Variants in DNER observed in about 807,000 individuals in gnomAD.
DNER encodes delta/notch like EGF repeat containing, also known as delta and Notch-like epidermal growth factor-related receptor.
In DNER, 33 loss-of-function variants were observed where a neutral mutation model predicts 78.2. That is an observed-to-expected ratio of 0.42 (90% CI 0.32 to 0.56). DNER has a LOEUF of 0.56. Ranked by LOEUF, DNER falls within the 20% of genes least tolerant of loss-of-function variation. DNER has a pLI of 0.11. For synonymous variants in DNER, 417 were observed against 384.8 expected, an observed-to-expected ratio of 1.08 and a Z score of -0.98; for missense variants, 918 against 975.3, an observed-to-expected ratio of 0.94 and a Z score of 0.78.
intron 1 of DNER, among the ~76,000 whole-genome samples, chr2:229,627,774 C>A (rs999396622): frequency 4.6e-5 from 7 of 152,130 alleles, no homozygotes; most frequent in African/African-American, 1.7e-4. Flanking sequence ...GAGTCCCTCA[C>A]AAGCAGGAAA....
At chr2:229,566,093 G>T (rs970317118) in intron 4 of DNER, among the ~76,000 whole-genome samples, 5 of 152,166 alleles carry the variant, frequency 3.3e-5, no homozygotes, top group African/African-American at 1.2e-4. Flanking sequence ...GGGGCAATGG[G>T]AGATTCTAAA....
At position 229,668,530 on chromosome 2, in the gene DNER, GTGTGTGTATATATATATA is replaced by G. The variant is rs1338370789; in HGVS notation, c.276+45600_276+45617del. Among the ~76,000 whole-genome samples, 119 of 5,482 alleles carry G rather than the reference GTGTGTGTATATATATATA, an allele frequency of 0.022. No individual in the cohort carries two copies. The East Asian group carries it at 0.25, about 12-fold the overall frequency. 3.6% of individuals were successfully genotyped at this position (5,482 alleles called of 152,430 possible). ...TATAGGTAAGTATGTGTGTGTGTGT[GTGTGTGTATATATATATA>G]TATATATATATATATATATATATAT... On this transcript the variant is annotated intron_variant, in intron 1 of 12. Coordinates refer to ENST00000341772, the MANE Select transcript of DNER (RefSeq NM_139072.4).
chr2:229,699,635 G>A (rs1029162862), intron 1 of DNER, among the ~76,000 whole-genome samples: 1 of 152,028 alleles, frequency 6.6e-6, no homozygotes, highest in African/African-American at 2.4e-5. Context: ...AAAGTGCTTG[G>A]GATTACAAGC....
chr2:229,653,585 AT>A (rs11365732), intron 1 of DNER, among the ~76,000 whole-genome samples: 32,441 of 151,692 alleles, frequency 0.21, 3,644 homozygotes, highest in South Asian at 0.29. Flanking sequence ...CCCAACACCA[AT>A]TTTTTTTTCT....
chr2:229,373,590 A>T (rs1692534993), intron 11 of DNER, among the ~76,000 whole-genome samples: 1 of 152,224 alleles, frequency 6.6e-6, no homozygotes, highest in African/African-American at 2.4e-5. Flanking sequence ...CTGGGTATGT[A>T]TCCAAAAGAA....
chr2:229,363,504 C>T (rs1160072235), intron 12 of DNER, among the ~76,000 whole-genome samples: 1 of 152,180 alleles, frequency 6.6e-6, no homozygotes, highest in Non-Finnish European at 1.5e-5. Context: ...CTGTAGAAAC[C>T]CCAGGTTGGA....
intron 6 of DNER, among the ~76,000 whole-genome samples, chr2:229,507,395 C>T (rs1457603992): frequency 6.6e-6 from 1 of 152,126 alleles, no homozygotes; most frequent in Non-Finnish European, 1.5e-5. Flanking sequence ...TTCCTATATG[C>T]CTACATGTGC....
intron 5 of DNER, among the ~76,000 whole-genome samples, chr2:229,542,679 C>A (rs1044829679): frequency 4.0e-5 from 6 of 148,412 alleles, no homozygotes; most frequent in African/African-American, 1.5e-4. Flanking sequence ...AAGAAAAAAA[C>A]GTGATGACAA....
At chr2:229,563,540 AC>A in intron 4 of DNER, among the ~76,000 whole-genome samples, 1 of 139,718 alleles carries the variant, frequency 7.2e-6, no homozygotes, top group Admixed American at 7.1e-5. Flanking sequence ...CATCGTCATC[AC>A]CCCATCACCA....
Position 229,482,766 on chromosome 2 carries a change from A to T in DNER, c.1148-5513T>A, listed in dbSNP as rs577432440. Among the ~76,000 whole-genome samples, 5 of 152,366 alleles carry T rather than the reference A, an allele frequency of 3.3e-5. No individual in the cohort carries two copies. The South Asian group carries it at 1.0e-3, about 32-fold the overall frequency. ...TTTTGGGAGTGGAAAGGAGAGGACCAGTGGAGTTATAGTGGAATTTCATTT... is the reference window on the plus strand; with the variant it reads ...TTTTGGGAGTGGAAAGGAGAGGACCTGTGGAGTTATAGTGGAATTTCATTT... On this transcript the variant is annotated intron_variant, in intron 6 of 12. Coordinates refer to ENST00000341772, the MANE Select transcript of DNER (RefSeq NM_139072.4).
rs745330329 is a variant in DNER at position 229,512,924 on chromosome 2, A to G, written c.1006T>C (p.Cys336Arg). 7.4e-6 allele frequency: 12 copies of G among 1,613,944 alleles called. No homozygotes were observed. Among genetic ancestry groups the G allele is most frequent in the Non-Finnish European group, 8.5e-7 (1 of 1,179,924 alleles). ...CCCACGTACTGCTCCTCACAGGTAC[A>G]GGAAAAAGTTGCCTAAAACACAAAA... ...TTKPSEATFS[C>R]TCEEQYVGTF... The change falls in exon 6 of 13, where the codon TGT becomes CGT. Residue 336 changes from cysteine (C) to arginine (R), a missense_variant. By Grantham distance (180) the Cys-to-Arg change is radical (BLOSUM62 -3). Transcript: ENST00000341772.
At chr2:229,481,792 C>T (rs924136544) in intron 6 of DNER, among the ~76,000 whole-genome samples, 5 of 152,126 alleles carry the variant, frequency 3.3e-5, no homozygotes, top group Non-Finnish European at 5.9e-5. Flanking sequence ...CAGAGGACCT[C>T]GTAGAAGATA....
intron 1 of DNER, among the ~76,000 whole-genome samples, chr2:229,663,948 C>G (rs998888587): frequency 1.3e-5 from 2 of 152,090 alleles, no homozygotes; most frequent in Non-Finnish European, 2.9e-5. Flanking sequence ...CCACCTCAAC[C>G]TTCTGTATGT....
At chr2:229,371,043 T>C (rs898199012) in intron 11 of DNER, among the ~76,000 whole-genome samples, 1 of 152,230 alleles carries the variant, frequency 6.6e-6, no homozygotes, top group African/African-American at 2.4e-5. Context: ...TGTTCGGACT[T>C]TTGGAAAAAC....
At chr2:229,667,938 G>A (rs181594473) in intron 1 of DNER, among the ~76,000 whole-genome samples, 2 of 152,274 alleles carry the variant, frequency 1.3e-5, no homozygotes, top group East Asian at 1.9e-4. Context: ...GGCCATGGAG[G>A]GACTCATTGG....
At chr2:229,686,863 A>G (rs1480531675) in intron 1 of DNER, among the ~76,000 whole-genome samples, 3 of 152,228 alleles carry the variant, frequency 2.0e-5, no homozygotes, top group African/African-American at 4.8e-5. Flanking sequence ...TGGACTTACA[A>G]TCAATTCCCT....
intron 4 of DNER, among the ~76,000 whole-genome samples, chr2:229,562,007 A>G (rs1326610841): frequency 6.6e-6 from 1 of 152,160 alleles, no homozygotes; most frequent in Non-Finnish European, 1.5e-5. Flanking sequence ...TTGCATCCAG[A>G]GATGGAACCT....
intron 1 of DNER, among the ~76,000 whole-genome samples, chr2:229,675,772 A>G (rs1699291700): frequency 6.6e-6 from 1 of 152,138 alleles, no homozygotes; most frequent in Non-Finnish European, 1.5e-5. Flanking sequence ...GGGGGGTGGA[A>G]ACCAGACCCA....
chr2:229,405,072 A>G (rs772415783), intron 10 of DNER, among the ~76,000 whole-genome samples: 2 of 152,216 alleles, frequency 1.3e-5, no homozygotes, highest in Non-Finnish European at 2.9e-5. Context: ...AAAGAAGAGT[A>G]AAGATTAGCA....
Sources: allele counts gnomAD v4.1 joint callset (sites outside exome capture counted in the v4.1 genomes callset), GRCh38; gene constraint gnomAD v4.1.1; transcripts MANE v1.5; gene names NCBI Gene and HGNC (gene_info 2026-07-23, HGNC 2026-07-21).